The following ANK2 variants were observed in gnomAD, a reference collection of about 807,000 sequenced individuals.
The protein encoded by ANK2 is ankyrin-2.
Under a neutral mutation model 360.5 loss-of-function variants are expected in ANK2, and 83 were observed. The observed-to-expected ratio is 0.23, with a 90% CI of 0.19 to 0.28. The LOEUF (loss-of-function observed/expected upper bound fraction) is 0.28. Ranked by LOEUF, ANK2 falls within the 10% of genes least tolerant of loss-of-function variation. ANK2 has a pLI of 1.00. For missense variants in ANK2, 4,201 were observed against 4,795.7 expected (o/e 0.88, Z 3.66); for synonymous variants, 1,740 against 1,759.5 (o/e 0.99, Z 0.28).
At chr4:112,867,253 A>G (rs2070958376) in intron 1 of ANK2, among the ~76,000 whole-genome samples, 1 of 151,976 alleles carries the variant, frequency 6.6e-6, no homozygotes, top group South Asian at 2.1e-4. Flanking sequence ...TAAACTTTTA[A>G]AAGAATTATA....
intron 2 of ANK2, among the ~76,000 whole-genome samples, chr4:112,994,072 C>T (rs1467415643): frequency 2.0e-5 from 3 of 152,180 alleles, no homozygotes; most frequent in African/African-American, 7.2e-5. Context: ...TCTGGAACAT[C>T]TCACGTATTG....
chr4:113,257,363 A>G (rs910154930), intron 11 of ANK2, among the ~76,000 whole-genome samples: 1 of 152,224 alleles, frequency 6.6e-6, no homozygotes, highest in African/African-American at 2.4e-5. Context: ...TCTTTACCCC[A>G]GAGCTACCTC....
chr4:113,274,428 CTT>C (rs1323337995), intron 14 of ANK2, 22 bp from the exon 15 acceptor site: 2 of 1,613,066 alleles, frequency 1.2e-6, no homozygotes, highest in Non-Finnish European at 1.7e-6. Context: ...CCGGCACTAA[CTT>C]TTTACTTGGC....
At chr4:112,857,355 G>A in intron 1 of ANK2, among the ~76,000 whole-genome samples, 1 of 152,158 alleles carries the variant, frequency 6.6e-6, no homozygotes, top group Non-Finnish European at 1.5e-5. Flanking sequence ...GCAATATCAA[G>A]TCATCAGTTT....
intron 1 of ANK2, among the ~76,000 whole-genome samples, chr4:113,130,288 CTT>C (rs1248703794): frequency 6.6e-6 from 1 of 152,158 alleles, no homozygotes; most frequent in Non-Finnish European, 1.5e-5. Context: ...TTTTCATTAA[CTT>C]TGCTACAGCA....
chr4:112,712,300 G>A, the ANK2 span, among the ~76,000 whole-genome samples: 3 of 149,958 alleles, frequency 2.0e-5, no homozygotes, highest in Admixed American at 6.7e-5. Context: ...GACTGGTCTC[G>A]AACTTCTAAC....
intron 1 of ANK2, among the ~76,000 whole-genome samples, chr4:113,153,376 A>G (rs370271518): frequency 1.3e-5 from 2 of 152,338 alleles, no homozygotes; most frequent in South Asian, 2.1e-4. Flanking sequence ...GATACCTAGT[A>G]AAACAGAAGT....
At chr4:112,788,009 C>T in the ANK2 span, 1 of 749,806 alleles carries the variant, frequency 1.3e-6, no homozygotes, top group South Asian at 1.6e-5. Context: ...TATGTATTAC[C>T]CAATGTATTT....
At chr4:112,850,437 G>A (rs1212450897) in intron 1 of ANK2, among the ~76,000 whole-genome samples, 2 of 38,912 alleles carry the variant, frequency 5.1e-5, no homozygotes, top group Admixed American at 2.9e-4. Flanking sequence ...AAGAGTTGTT[G>A]TTCGTTTCTT....
intron 1 of ANK2, among the ~76,000 whole-genome samples, chr4:113,098,901 C>T (rs898756013): frequency 1.3e-5 from 2 of 151,792 alleles, no homozygotes; most frequent in South Asian, 2.1e-4. Context: ...GAAGAAAAAT[C>T]GTATGATCAT....
At chr4:112,866,499 A>T (rs1469746604) in intron 1 of ANK2, among the ~76,000 whole-genome samples, 1 of 152,236 alleles carries the variant, frequency 6.6e-6, no homozygotes, top group Non-Finnish European at 1.5e-5. Context: ...AAACTAAAAG[A>T]CAGCATTGTT....
At chr4:113,297,997 G>C (rs945231116) in intron 22 of ANK2, among the ~76,000 whole-genome samples, 2 of 151,940 alleles carry the variant, frequency 1.3e-5, no homozygotes, top group Non-Finnish European at 2.9e-5. Flanking sequence ...CGTTGTCCAG[G>C]CTCGTCTCAA....
chr4:112,908,567 A>G (rs545330725), intron 2 of ANK2, among the ~76,000 whole-genome samples: 1 of 152,208 alleles, frequency 6.6e-6, no homozygotes, highest in Admixed American at 6.5e-5. Context: ...TTGAGAGTCC[A>G]ATGAAGGTTT....
At chr4:113,176,117 C>T (rs1001545476) in intron 2 of ANK2, among the ~76,000 whole-genome samples, 1 of 152,178 alleles carries the variant, frequency 6.6e-6, no homozygotes, top group Non-Finnish European at 1.5e-5. Context: ...ACACAACCCA[C>T]ATGTATGGGC....
At chr4:112,807,938 C>A in the ANK2 span, among the ~76,000 whole-genome samples, 1 of 152,040 alleles carries the variant, frequency 6.6e-6, no homozygotes, top group Non-Finnish European at 1.5e-5. Context: ...AAATGATAAA[C>A]CAATATTGAA....
Position 113,145,241 on chromosome 4 carries a change from G to A in ANK2, c.85-29175G>A, listed in dbSNP as rs189154033. On this transcript the variant is annotated intron_variant, in intron 1 of 45. Coordinates refer to ENST00000357077, the MANE Select transcript of ANK2 (RefSeq NM_001148.6). ...ATTGAATATTACATGTTAAAAGAAC[G>A]GTAAAAGGATGGCTAATTGTTTTCT... Among the ~76,000 whole-genome samples, 6 of 152,096 alleles carry A rather than the reference G, an allele frequency of 3.9e-5. No individual in the cohort carries two copies. In the South Asian group the frequency reaches 6.2e-4, roughly 16 times the overall value.
chr4:112,715,202 G>A, the ANK2 span, among the ~76,000 whole-genome samples: 22 of 141,484 alleles, frequency 1.6e-4, no homozygotes, highest in South Asian at 2.8e-3. Context: ...TCCTTGCAGC[G>A]CGGTGATTGG....
chr4:113,010,777 C>G (rs954324192), intron 2 of ANK2, among the ~76,000 whole-genome samples: 1 of 151,998 alleles, frequency 6.6e-6, no homozygotes, highest in African/African-American at 2.4e-5. Context: ...TTAACCTGTC[C>G]TCTTTCCCAC....
chr4:112,867,327 C>T (rs537668076), intron 1 of ANK2, among the ~76,000 whole-genome samples: 163 of 152,056 alleles, frequency 1.1e-3, no homozygotes, highest in Non-Finnish European at 2.0e-3. Flanking sequence ...ATACTCTTCA[C>T]TTGTCATTTA....
Sources: allele counts gnomAD v4.1 joint callset (sites outside exome capture counted in the v4.1 genomes callset), GRCh38; gene constraint gnomAD v4.1.1; transcripts MANE v1.5; gene names NCBI Gene and HGNC (gene_info 2026-07-23, HGNC 2026-07-21).